Variants in PCNX4 observed in about 807,000 individuals in gnomAD.
PCNX4 encodes the protein pecanex-like protein 4.
In PCNX4, 103 loss-of-function variants were observed where a neutral mutation model predicts 107.2. That is an observed-to-expected ratio of 0.96 (90% CI 0.82 to 1.13). The LOEUF (loss-of-function observed/expected upper bound fraction) is 1.13, where lower values mean the gene tolerates loss of function less well. PCNX4 is among the 50% of genes most tolerant of loss of function. PCNX4 has a pLI of 0.00. For missense variants in PCNX4, 1,528 were observed against 1,379.4 expected, an observed-to-expected ratio of 1.11 and a Z score of -1.71; for synonymous variants, 541 against 481.7, an observed-to-expected ratio of 1.12 and a Z score of -1.61.
At chr14:60,113,079 GC>G (rs1314512029) in intron 2 of PCNX4, among the ~76,000 whole-genome samples, 1 of 152,158 alleles carries the variant, frequency 6.6e-6, no homozygotes. Context: ...CTACTGGGGG[GC>G]TGAGGCAGGA....
rs1424161713 is a variant in PCNX4, at chr14:60,139,979, A to G, written c.*5758A>G. On this transcript the variant is annotated 3_prime_UTR_variant, in exon 11 of 11. Coordinates refer to ENST00000406854, the MANE Select transcript of PCNX4 (RefSeq NM_001330177.2). Reference sequence around the variant, plus strand: ...AAAAAAAAAGATTGAAAATGAACCTAGTAGTTAAAATATTCTAAGAATAGC... The same window carrying G: ...AAAAAAAAAGATTGAAAATGAACCTGGTAGTTAAAATATTCTAAGAATAGC... The G allele has an allele frequency of 6.6e-6, 1 of 152,074 alleles. No homozygotes were observed. The highest frequency in any genetic ancestry group is 1.5e-5 in the Non-Finnish European group (1 of 68,006). The allele number at this position is 152,074 out of a possible 1,614,324, so 9.4% of individuals were successfully genotyped here.
chr14:60,115,311 T>C lies in PCNX4; in HGVS notation c.1207T>C (p.Trp403Arg), dbSNP rs560726169. The C allele has an allele frequency of 6.2e-7, 1 of 1,608,164 alleles. No individual in the cohort carries two copies. Among genetic ancestry groups the C allele is most frequent in the African/African-American group, 1.3e-5 (1 of 74,916 alleles). ...TTTGATGATATTACTTATAATACTGTGGATACTTAGAGAAATTCAAAGCGT... is the reference window on the plus strand; with the variant it reads ...TTTGATGATATTACTTATAATACTGCGGATACTTAGAGAAATTCAAAGCGT... ...YGLMILLIIL[W>R]ILREIQSVYI... Residue 403 changes from tryptophan to arginine, a missense_variant, in exon 4 of 11, where the codon TGG (tryptophan) becomes CGG (arginine). Transcript: ENST00000406854.
At chr14:60,121,093 C>T in intron 7 of PCNX4, 103 bp from the exon 8 acceptor site, 1 of 1,365,428 alleles carries the variant, frequency 7.3e-7, no homozygotes, top group Non-Finnish European at 9.7e-7. Flanking sequence ...AGTCGTGAAT[C>T]AGTTCTAGAT....
chr14:60,096,745 G>A (rs1895433111), intron 1 of PCNX4, among the ~76,000 whole-genome samples: 1 of 152,178 alleles, frequency 6.6e-6, no homozygotes, highest in African/African-American at 2.4e-5. Context: ...GTACTGTTTG[G>A]ACATAGGTCC....
At chr14:60,123,490 A>T (rs914399066) in intron 8 of PCNX4, among the ~76,000 whole-genome samples, 25 of 144,776 alleles carry the variant, frequency 1.7e-4, no homozygotes, top group African/African-American at 7.0e-4. Flanking sequence ...CCTTTGTAAA[A>T]ATATATAAAT....
chr14:60,094,259 G>A (rs2140524689), intron 1 of PCNX4, among the ~76,000 whole-genome samples: 1 of 152,160 alleles, frequency 6.6e-6, no homozygotes, highest in African/African-American at 2.4e-5. Context: ...CATCAAAAGC[G>A]TCCCATTTTT....
intron 1 of PCNX4, among the ~76,000 whole-genome samples, chr14:60,105,504 A>G (rs1595163259): frequency 1.3e-5 from 2 of 152,186 alleles, no homozygotes; most frequent in African/African-American, 4.8e-5. Context: ...CGCAAACCAT[A>G]TACAGCCATC....
intron 1 of PCNX4, among the ~76,000 whole-genome samples, chr14:60,107,207 C>G (rs750346900): frequency 6.6e-6 from 1 of 152,074 alleles, no homozygotes; most frequent in Admixed American, 6.5e-5. Context: ...TATGGCAAAA[C>G]CCCATCTCTA....
chr14:60,127,538 C>A (rs1328598328), intron 10 of PCNX4, among the ~76,000 whole-genome samples: 1 of 152,176 alleles, frequency 6.6e-6, no homozygotes, highest in Non-Finnish European at 1.5e-5. Context: ...TCTGAGACTT[C>A]AAACTGGGCA....
rs1055691308 is a variant in PCNX4, at chr14:60,141,411, CAA to C, written c.*7192_*7193del. Reference sequence around the variant, plus strand: ...GAAAGACTGACAAAAAGAAAAAACACAAATCATTATTATCAAGAATGAAATGA... The same window carrying C: ...GAAAGACTGACAAAAAGAAAAAACACATCATTATTATCAAGAATGAAATGA... On this transcript the variant is annotated 3_prime_UTR_variant, in exon 11 of 11. Transcript: ENST00000406854. 3 of 151,966 alleles carry C rather than the reference CAA, an allele frequency of 2.0e-5. No homozygotes were observed. Among genetic ancestry groups the C allele is most frequent in the African/African-American group, 7.2e-5 (3 of 41,382 alleles). The allele number at this position is 151,966 out of a possible 1,614,324, so 9.4% of individuals were successfully genotyped here.
At chr14:60,128,451 G>A (rs1002544338) in intron 10 of PCNX4, among the ~76,000 whole-genome samples, 1 of 152,094 alleles carries the variant, frequency 6.6e-6, no homozygotes, top group African/African-American at 2.4e-5. Flanking sequence ...GCCCCCTAAA[G>A]AAAACCCCAA....
intron 10 of PCNX4, chr14:60,133,662 T>A: frequency 1.9e-6 from 1 of 529,574 alleles, no homozygotes; most frequent in Non-Finnish European, 3.6e-6. Context: ...ATAGTATTTA[T>A]GACTATGCAT....
At chr14:60,098,627 T>C (rs891426755) in intron 1 of PCNX4, among the ~76,000 whole-genome samples, 4 of 152,330 alleles carry the variant, frequency 2.6e-5, no homozygotes, top group South Asian at 4.2e-4. Context: ...GCATGAAATA[T>C]ATGTTTCTGT....
chr14:60,114,947 AT>A (rs1189876335), intron 3 of PCNX4, 26 bp from the exon 4 acceptor site: 13 of 1,458,292 alleles, frequency 8.9e-6, no homozygotes, highest in African/African-American at 3.9e-5. Flanking sequence ...TCAAGTAAAT[AT>A]TTTTTTCTTT....
rs1388521350 is a variant in PCNX4, at chr14:60,146,632, C to T, written c.*12411C>T. On this transcript the variant is annotated 3_prime_UTR_variant, in exon 11 of 11. Transcript: ENST00000406854. The surrounding 1 kb of genome is among the most constrained non-coding windows in gnomAD (Gnocchi z 4.9). ...ATAATAGCCAAGATATGGAAACAACCTAAGTGTCCATTAGTGAATGAATGG... is the reference window on the plus strand; with the variant it reads ...ATAATAGCCAAGATATGGAAACAACTTAAGTGTCCATTAGTGAATGAATGG... The T allele has an allele frequency of 6.6e-6, 1 of 151,944 alleles. No individual in the cohort carries two copies. Among genetic ancestry groups the T allele is most frequent in the Non-Finnish European group, 1.5e-5 (1 of 68,016 alleles). 9.4% of individuals were successfully genotyped at this position (151,944 alleles called of 1,614,324 possible). A position where few individuals can be genotyped will look rare whatever the true frequency, so the allele number is the denominator to read the frequency against.
Position 60,134,322 on chromosome 14 carries a change from C to A in PCNX4, c.*101C>A, listed in dbSNP as rs1171120366. 4.3e-6 allele frequency: 6 copies of A among 1,391,332 alleles called. No homozygotes were observed. The highest frequency in any genetic ancestry group is 1.9e-5 in the Admixed American group (1 of 52,202). The allele number at this position is 1,391,332 out of a possible 1,614,324, so 86.2% of individuals were successfully genotyped here. A position where few individuals can be genotyped will look rare whatever the true frequency, so the allele number is the denominator to read the frequency against. On this transcript the variant is annotated 3_prime_UTR_variant, in exon 11 of 11. Transcript: ENST00000406854. ...TAACTTGAGGACTTCTCCACACCCC[C>A]ATTCAGATGCCTGAGAACAGCTAAG... is the stretch of plus-strand genomic sequence containing the variant.
intron 1 of PCNX4, among the ~76,000 whole-genome samples, chr14:60,104,917 A>G (rs1160899215): frequency 6.6e-6 from 1 of 152,222 alleles, no homozygotes; most frequent in Non-Finnish European, 1.5e-5. Context: ...AGTTACTCAG[A>G]GAAATGCCGT....
Position 60,124,636 on chromosome 14 carries a change from CTGA to C in PCNX4, c.2470_2472del (p.Asp824del). 6.2e-7 allele frequency: 1 copy of C among 1,613,688 alleles called. No homozygotes were observed. Among genetic ancestry groups the C allele is most frequent in the Non-Finnish European group, 8.5e-7 (1 of 1,179,746 alleles). ...AATTCAGAAACTTTTAATGACTGGT[CTGA>C]TGATAATATTTTTGATGATGAGCCA... On this transcript the variant is annotated inframe_deletion, in exon 9 of 11. Transcript: ENST00000406854.
intron 8 of PCNX4, among the ~76,000 whole-genome samples, chr14:60,122,991 A>G (rs1183886170): frequency 6.6e-6 from 1 of 152,118 alleles, no homozygotes; most frequent in African/African-American, 2.4e-5. Context: ...TGAACCTACT[A>G]AGTTAGAAAC....
Sources: allele counts gnomAD v4.1 joint callset (sites outside exome capture counted in the v4.1 genomes callset), GRCh38; gene constraint gnomAD v4.1.1; non-coding constraint Gnocchi (gnomAD v3.1); transcripts MANE v1.5; gene names NCBI Gene and HGNC (gene_info 2026-07-23, HGNC 2026-07-21).